The following MYO10 variants were observed in gnomAD, a reference collection of about 807,000 sequenced individuals.
MYO10 encodes unconventional myosin-X.
MYO10 carries 133 observed loss-of-function variants against 257.3 expected under a neutral mutation model. That is an observed-to-expected ratio of 0.52 (90% CI 0.45 to 0.60). MYO10 has a LOEUF of 0.60. Among genes scored for constraint, MYO10 ranks in the 20% least tolerant of loss-of-function variants. The probability of loss-of-function intolerance (pLI) is 0.00; values close to 1 mark genes in which losing one functional copy is unlikely to be tolerated. For missense variants in MYO10, 2,399 were observed against 2,635.7 expected (o/e 0.91, Z 1.97); for synonymous variants, 1,104 against 1,028.6 (o/e 1.07, Z -1.40).
chr5:16,883,200 C>T (rs153707), intron 1 of MYO10, among the ~76,000 whole-genome samples: 59,424 of 151,946 alleles, frequency 0.39, 13,303 homozygotes, highest in Admixed American at 0.5. Context: ...CAGGTGTGAG[C>T]CACCGCGCCC....
At chr5:16,708,573 T>C (rs1016300175) in intron 21 of MYO10, among the ~76,000 whole-genome samples, 1 of 152,182 alleles carries the variant, frequency 6.6e-6, no homozygotes, top group Non-Finnish European at 1.5e-5. Context: ...AATTTCTTTT[T>C]GTTTTTGAGA....
chr5:16,898,861 G>A lies in MYO10; in HGVS notation c.22-21154C>T, dbSNP rs1308606439. ...TAAAATCTAGAGATGTAATTCAGTA[G>A]GCAAAAGTACATGGTGGCTCACGTC... is the stretch of plus-strand genomic sequence containing the variant. On this transcript the variant is annotated intron_variant, in intron 1 of 40. Coordinates refer to ENST00000513610, the MANE Select transcript of MYO10 (RefSeq NM_012334.3). Among the ~76,000 whole-genome samples, 3 of 151,362 alleles carry A rather than the reference G, an allele frequency of 2.0e-5. No homozygotes were observed. In the East Asian group the frequency reaches 5.9e-4, roughly 30 times the overall value.
At chr5:16,904,626 T>C (rs1745471005) in intron 1 of MYO10, among the ~76,000 whole-genome samples, 1 of 152,170 alleles carries the variant, frequency 6.6e-6, no homozygotes, top group African/African-American at 2.4e-5. Flanking sequence ...CCACAACATC[T>C]GGTGTCAGCA....
chr5:16,859,877 G>A (rs1744061102), intron 2 of MYO10, among the ~76,000 whole-genome samples: 1 of 152,080 alleles, frequency 6.6e-6, no homozygotes, highest in African/African-American at 2.4e-5. Context: ...CCCCACCCAG[G>A]GCCGTGCCCT....
At chr5:16,888,253 G>C (rs1744946990) in intron 1 of MYO10, among the ~76,000 whole-genome samples, 1 of 152,086 alleles carries the variant, frequency 6.6e-6, no homozygotes, top group Non-Finnish European at 1.5e-5. Context: ...TCTAGGCTGG[G>C]CATAGTGACT....
intron 2 of MYO10, among the ~76,000 whole-genome samples, chr5:16,867,383 T>G (rs1744309158): frequency 6.6e-6 from 1 of 151,848 alleles, no homozygotes; most frequent in African/African-American, 2.4e-5. Flanking sequence ...GTGCAGATGG[T>G]GTACTGAACA....
rs1048618660 is a variant in MYO10, at chr5:16,664,901, C to G, written c.*1791G>C. The G allele has an allele frequency of 1.3e-5, 2 of 152,214 alleles. No homozygotes were observed. Among genetic ancestry groups the G allele is most frequent in the Non-Finnish European group, 1.5e-5 (1 of 68,156 alleles). 9.4% of individuals were successfully genotyped at this position (152,214 alleles called of 1,614,324 possible). A position where few individuals can be genotyped will look rare whatever the true frequency, so the allele number is the denominator to read the frequency against. ...GCAAGTCCATGAAACAAACACAAAGCCCAGACACTGAAACCATAGCATTAA... is the reference window on the plus strand; with the variant it reads ...GCAAGTCCATGAAACAAACACAAAGGCCAGACACTGAAACCATAGCATTAA... On this transcript the variant is annotated 3_prime_UTR_variant, in exon 41 of 41. Coordinates refer to ENST00000513610, the MANE Select transcript of MYO10 (RefSeq NM_012334.3).
intron 19 of MYO10, among the ~76,000 whole-genome samples, chr5:16,711,973 AT>A (rs1036274205): frequency 6.6e-6 from 1 of 151,654 alleles, no homozygotes; most frequent in Non-Finnish European, 1.5e-5. Flanking sequence ...TTTAAAATCT[AT>A]TTTTTCTGCA....
At chr5:16,774,933 G>T (rs1560978089) in intron 9 of MYO10, among the ~76,000 whole-genome samples, 1 of 151,994 alleles carries the variant, frequency 6.6e-6, no homozygotes, top group Non-Finnish European at 1.5e-5. Context: ...CACCATTCAA[G>T]CCCCACAGAT....
At chr5:16,699,318 A>G (rs1737913942) in intron 26 of MYO10, 132 bp downstream of exon 26, 2 of 1,227,502 alleles carry the variant, frequency 1.6e-6, no homozygotes, top group Non-Finnish European at 1.1e-6. Flanking sequence ...AGGTAGAACG[A>G]CTTTCCCAGT....
chr5:16,714,238 C>T (rs1265371807), intron 19 of MYO10, among the ~76,000 whole-genome samples: 1 of 151,380 alleles, frequency 6.6e-6, no homozygotes, highest in Admixed American at 6.6e-5. Context: ...GGGAAGTGCA[C>T]AGATTTGAAC....
chr5:16,746,972 C>G (rs1227562196), intron 19 of MYO10, among the ~76,000 whole-genome samples: 1 of 152,192 alleles, frequency 6.6e-6, no homozygotes, highest in Non-Finnish European at 1.5e-5. Context: ...ATGTGGCAGA[C>G]CCTCACACCC....
intron 26 of MYO10, among the ~76,000 whole-genome samples, chr5:16,697,884 C>G (rs73049069): frequency 0.029 from 4,408 of 152,194 alleles, 232 homozygotes; most frequent in African/African-American, 0.099. Context: ...CCATCTCCAC[C>G]TTCTCGACTC....
intron 1 of MYO10, among the ~76,000 whole-genome samples, chr5:16,923,676 ACACACACACACACACACACT>A (rs1241895257): frequency 2.0e-5 from 3 of 149,218 alleles, no homozygotes; most frequent in Non-Finnish European, 3.0e-5. Flanking sequence ...ACACACACAC[ACACACACACACACACACACT>A]CCCTAACATC....
chr5:16,890,487 T>C (rs1255755663), intron 1 of MYO10, among the ~76,000 whole-genome samples: 1 of 151,804 alleles, frequency 6.6e-6, no homozygotes, highest in Non-Finnish European at 1.5e-5. Flanking sequence ...ACAACCCTCA[T>C]GTTCATCAAC....
intron 11 of MYO10, among the ~76,000 whole-genome samples, chr5:16,764,738 G>A (rs537496967): frequency 1.3e-5 from 2 of 152,224 alleles, no homozygotes; most frequent in African/African-American, 2.4e-5. Context: ...ACCCAGGCTG[G>A]AGTGCAATGG....
At chr5:16,929,546 A>C (rs1043273783) in intron 1 of MYO10, among the ~76,000 whole-genome samples, 2 of 152,142 alleles carry the variant, frequency 1.3e-5, no homozygotes, top group Admixed American at 1.3e-4. Flanking sequence ...TGTGACACTG[A>C]GTCAGTTACT....
intron 19 of MYO10, chr5:16,741,788 A>G (rs1560959667): frequency 3.0e-6 from 3 of 984,714 alleles, no homozygotes; most frequent in African/African-American, 1.7e-5. Context: ...AGAACAAGAA[A>G]GAGAAAAATC....
chr5:16,689,052 G>A (rs2126517963), intron 28 of MYO10, among the ~76,000 whole-genome samples: 1 of 152,322 alleles, frequency 6.6e-6, no homozygotes, highest in East Asian at 1.9e-4. Flanking sequence ...CTCCTTAGGA[G>A]CAAATGTTTT....
Sources: gnomAD v4.1 joint callset for allele counts (sites outside exome capture counted in the v4.1 genomes callset) on GRCh38, gnomAD v4.1.1 for gene constraint, MANE v1.5 for transcripts, NCBI Gene and HGNC (gene_info 2026-07-23, HGNC 2026-07-21) for gene names.